DLD: variants seen among roughly 807,000 people sequenced by gnomAD.
DLD encodes the protein dihydrolipoamide dehydrogenase, also known as dihydrolipoyl dehydrogenase, mitochondrial.
In DLD, 36 loss-of-function variants were observed where a neutral mutation model predicts 62.2. The observed-to-expected ratio is 0.58, with a 90% CI of 0.44 to 0.76. The LOEUF (loss-of-function observed/expected upper bound fraction) is 0.76. Among genes scored for constraint, DLD ranks in the 30% least tolerant of loss-of-function variants. DLD has a pLI of 0.00. For missense variants in DLD, 541 were observed against 608.6 expected, an observed-to-expected ratio of 0.89 and a Z score of 1.17; for synonymous variants, 204 against 199.6, an observed-to-expected ratio of 1.02 and a Z score of -0.19.
At chr7:107,908,092 T>C (rs2032050354) in intron 8 of DLD, among the ~76,000 whole-genome samples, 1 of 152,188 alleles carries the variant, frequency 6.6e-6, no homozygotes, top group South Asian at 2.1e-4. Flanking sequence ...GGCTGAATTC[T>C]CCATATTATG....
intron 12 of DLD, 97 bp downstream of exon 12, chr7:107,918,158 A>T: frequency 7.1e-7 from 1 of 1,415,720 alleles, no homozygotes; most frequent in Non-Finnish European, 9.9e-7. Context: ...GAGGTTGCTC[A>T]TTTCCAGCAA....
At chr7:107,903,376 C>G in intron 4 of DLD, 102 bp from the exon 5 acceptor site, 5 of 791,232 alleles carry the variant, frequency 6.3e-6, no homozygotes. Flanking sequence ...GAAACTCCGT[C>G]TCAAAAAATG....
At chr7:107,904,220 G>A (rs186614928) in intron 5 of DLD, among the ~76,000 whole-genome samples, 1 of 152,258 alleles carries the variant, frequency 6.6e-6, no homozygotes, top group Non-Finnish European at 1.5e-5. Context: ...ATGCACTAAA[G>A]CAAATAGAAT....
chr7:107,901,636 T>G, intron 2 of DLD, 102 bp from the exon 3 acceptor site: 1 of 902,652 alleles, frequency 1.1e-6, no homozygotes, highest in Non-Finnish European at 1.8e-6. Flanking sequence ...ATTTGTACTG[T>G]AAGAGGTTTA....
In DLD at chr7:107,901,780, A is replaced by T. The variant is rs763303046; in HGVS notation, c.161A>T (p.Tyr54Phe). The part of the protein sequence containing the change: ...VTVIGSGPGG[Y>F]VAAIKAAQLG... ...GTTATAGGTTCTGGTCCTGGAGGAT[A>T]TGTTGCTGCTATTAAAGCTGCCCAG... The change falls in exon 3 of 14, where the codon TAT becomes TTT. Residue 54 changes from tyrosine (Y) to phenylalanine (F), a missense_variant. Physicochemically the swap from Tyr to Phe is conservative, Grantham distance 22. Coordinates refer to ENST00000205402, the MANE Select transcript of DLD (RefSeq NM_000108.5). 6.2e-6 allele frequency: 10 copies of T among 1,613,634 alleles called. No individual in the cohort carries two copies. In the Admixed American group the frequency reaches 1.2e-4, roughly 19 times the overall value.
At chr7:107,915,173 TTC>T (rs2032236926) in intron 8 of DLD, among the ~76,000 whole-genome samples, 1 of 152,234 alleles carries the variant, frequency 6.6e-6, no homozygotes, top group South Asian at 2.1e-4. Context: ...TAGCACTTTA[TTC>T]TCTGTTATGA....
At chr7:107,913,101 A>G (rs2032184098) in intron 8 of DLD, among the ~76,000 whole-genome samples, 1 of 152,090 alleles carries the variant, frequency 6.6e-6, no homozygotes, top group Non-Finnish European at 1.5e-5. Flanking sequence ...AAAATGAGTT[A>G]GCCGAAAATG....
chr7:107,921,019 A>C lies in DLD; in HGVS notation c.*1760A>C, dbSNP rs1382143271. 3.3e-5 allele frequency: 5 copies of C among 152,334 alleles called. No individual in the cohort carries two copies. The highest frequency in any genetic ancestry group is 1.2e-4 in the African/African-American group (5 of 41,450). 9.4% of individuals were successfully genotyped at this position (152,334 alleles called of 1,614,324 possible). A position where few individuals can be genotyped will look rare whatever the true frequency, so the allele number is the denominator to read the frequency against. The stretch of plus-strand genomic sequence containing the variant: ...GTGAAGTGCTGTTTATGTAAATCTC[A>C]ACATATCCCTTACTCAGGGAAAAAA... On this transcript the variant is annotated 3_prime_UTR_variant, in exon 14 of 14. Transcript: ENST00000205402.
intron 2 of DLD, among the ~76,000 whole-genome samples, chr7:107,896,843 T>TG (rs2031738086): frequency 7.5e-6 from 1 of 133,850 alleles, no homozygotes; most frequent in South Asian, 2.1e-4. Flanking sequence ...TTTTTGTTTG[T>TG]TTTTTTTTTT....
upstream of DLD, chr7:107,891,174 A>G: frequency 1.3e-6 from 2 of 1,569,170 alleles, no homozygotes; most frequent in South Asian, 1.1e-5. Context: ...ATGCGCAGGG[A>G]GGGGAGACCT....
At chr7:107,902,950 T>A (rs1384439633) in intron 4 of DLD, among the ~76,000 whole-genome samples, 4 of 152,224 alleles carry the variant, frequency 2.6e-5, no homozygotes, top group Admixed American at 6.5e-5. Flanking sequence ...AACTTCTTTT[T>A]AAATTTTTAT....
chr7:107,900,684 T>C (rs1332442533), intron 2 of DLD, among the ~76,000 whole-genome samples: 1 of 152,170 alleles, frequency 6.6e-6, no homozygotes, highest in Non-Finnish European at 1.5e-5. Context: ...CACTTGCTGG[T>C]TAACCTTAGA....
chr7:107,908,539 G>C (rs1465733100), intron 8 of DLD, among the ~76,000 whole-genome samples: 1 of 151,902 alleles, frequency 6.6e-6, no homozygotes, highest in East Asian at 1.9e-4. Flanking sequence ...ATGGTGGTGT[G>C]TGCCTGTAGT....
chr7:107,919,884 A>G lies in DLD; in HGVS notation c.*625A>G, dbSNP rs1017207068. 1 of 152,612 alleles carries G rather than the reference A, an allele frequency of 6.6e-6. No homozygotes were observed. The highest frequency in any genetic ancestry group is 1.5e-5 in the Non-Finnish European group (1 of 68,268). 9.5% of individuals were successfully genotyped at this position (152,612 alleles called of 1,614,324 possible). A position where few individuals can be genotyped will look rare whatever the true frequency, so the allele number is the denominator to read the frequency against. On this transcript the variant is annotated 3_prime_UTR_variant, in exon 14 of 14. Transcript: ENST00000205402. ...ATAGTTACCCAAATTAAGAGAGTCT[A>G]TTTACGGAACTCAAATACGTGGGCA... is the stretch of plus-strand genomic sequence containing the variant.
intron 1 of DLD, among the ~76,000 whole-genome samples, chr7:107,892,398 A>T (rs1269077723): frequency 2.0e-5 from 3 of 152,202 alleles, no homozygotes; most frequent in African/African-American, 7.2e-5. Flanking sequence ...ATGTCTCAGG[A>T]ACATCTTCAT....
Position 107,898,833 on chromosome 7 carries a change from C to G in DLD, c.119-2905C>G, listed in dbSNP as rs190714247. On this transcript the variant is annotated intron_variant, in intron 2 of 13. Transcript: ENST00000205402. The stretch of plus-strand genomic sequence containing the variant: ...TCGTGATCCGCCTGCCTCGGCCTCC[C>G]AAAGTGCTGAGGATTACAGGTGTGA... Among the ~76,000 whole-genome samples, 4 of 152,192 alleles carry G rather than the reference C, an allele frequency of 2.6e-5. No individual in the cohort carries two copies. In the East Asian group the frequency reaches 7.8e-4, roughly 30 times the overall value.
intron 8 of DLD, among the ~76,000 whole-genome samples, chr7:107,912,485 G>A (rs1478502337): frequency 1.3e-5 from 2 of 152,010 alleles, no homozygotes; most frequent in Admixed American, 1.3e-4. Context: ...ATCCTTGTCA[G>A]CATTTGTTAT....
intron 8 of DLD, among the ~76,000 whole-genome samples, chr7:107,910,233 A>G (rs2032107654): frequency 6.6e-6 from 1 of 152,182 alleles, no homozygotes; most frequent in Non-Finnish European, 1.5e-5. Context: ...TCTTCTGTTC[A>G]TTCTACTTTG....
intron 8 of DLD, among the ~76,000 whole-genome samples, chr7:107,909,913 C>G (rs2032100027): frequency 7.3e-6 from 1 of 136,428 alleles, no homozygotes; most frequent in African/African-American, 2.7e-5. Context: ...GTGGCATGAT[C>G]TCGGCTCACT....
Sources: allele counts gnomAD v4.1 joint callset (sites outside exome capture counted in the v4.1 genomes callset), GRCh38; gene constraint gnomAD v4.1.1; transcripts MANE v1.5; gene names NCBI Gene and HGNC (gene_info 2026-07-23, HGNC 2026-07-21).